The following NEK10 variants were observed in gnomAD, a reference collection of about 807,000 sequenced individuals.
NEK10 encodes NIMA related kinase 10.
NEK10 carries 122 observed loss-of-function variants against 159.8 expected under a neutral mutation model. The observed-to-expected ratio is 0.76, with a 90% confidence interval of 0.66 to 0.89. The LOEUF (loss-of-function observed/expected upper bound fraction) is 0.89, where lower values mean the gene tolerates loss of function less well. NEK10 is among the 40% of genes least tolerant of loss of function. The pLI is 0.00. For synonymous variants in NEK10, 466 were observed against 457.1 expected, an observed-to-expected ratio of 1.02 and a Z score of -0.25; for missense variants, 1,342 against 1,323.1, an observed-to-expected ratio of 1.01 and a Z score of -0.22.
chr3:27,328,786 T>C (rs545671397), intron 5 of NEK10, among the ~76,000 whole-genome samples: 9 of 152,238 alleles, frequency 5.9e-5, no homozygotes, highest in Admixed American at 5.2e-4. Flanking sequence ...GGGAGCCCTG[T>C]TAGCCTACTG....
In NEK10 at chr3:27,111,230, A is replaced by G; in HGVS notation, c.*42T>C. 6.3e-7 allele frequency: 1 copy of G among 1,580,680 alleles called. No homozygotes were observed. The highest frequency in any genetic ancestry group is 8.7e-7 in the Non-Finnish European group (1 of 1,152,260). On this transcript the variant is annotated 3_prime_UTR_variant, in exon 36 of 36. Coordinates refer to ENST00000691995, the MANE Select transcript of NEK10 (RefSeq NM_001394966.1). ...AATAGCGGCTGAAGTCCAGAACTTGAACTTCACTGAGAAAATCAAGTCCAC... is the reference window on the plus strand; with the variant it reads ...AATAGCGGCTGAAGTCCAGAACTTGGACTTCACTGAGAAAATCAAGTCCAC...
chr3:27,266,016 C>T (rs546503118), intron 22 of NEK10, among the ~76,000 whole-genome samples: 3 of 152,062 alleles, frequency 2.0e-5, no homozygotes, highest in East Asian at 3.9e-4. Flanking sequence ...ACAGTGTTAG[C>T]CAGGATGGTC....
At chr3:27,350,557 G>C (rs973548857) in intron 3 of NEK10, among the ~76,000 whole-genome samples, 7 of 152,050 alleles carry the variant, frequency 4.6e-5, no homozygotes, top group African/African-American at 1.4e-4. Flanking sequence ...TCATTAAATT[G>C]ACAGTATTTT....
intron 19 of NEK10, 73 bp from the exon 20 acceptor site, chr3:27,287,816 G>A (rs2042725805): frequency 1.2e-5 from 17 of 1,390,976 alleles, no homozygotes; most frequent in Non-Finnish European, 1.6e-5. Context: ...CTACTTAGTT[G>A]GACTTCATAT....
chr3:27,321,206 C>T (rs952582292), intron 6 of NEK10, among the ~76,000 whole-genome samples: 3 of 151,948 alleles, frequency 2.0e-5, no homozygotes, highest in African/African-American at 7.3e-5. Context: ...TTTAGAGCCT[C>T]ACAGCTAAAG....
At chr3:27,153,182 T>C (rs1389002990) in intron 30 of NEK10, among the ~76,000 whole-genome samples, 1 of 152,002 alleles carries the variant, frequency 6.6e-6, no homozygotes, top group East Asian at 1.9e-4. Flanking sequence ...TAGCCGGGCA[T>C]GGTAGCGGGC....
intron 22 of NEK10, among the ~76,000 whole-genome samples, chr3:27,272,414 T>C (rs2041437240): frequency 6.6e-6 from 1 of 152,208 alleles, no homozygotes; most frequent in Non-Finnish European, 1.5e-5. Context: ...TGTATCTGCA[T>C]CTTTCTTTTG....
chr3:27,278,965 G>T (rs1264159145), intron 22 of NEK10: 1 of 974,292 alleles, frequency 1.0e-6, no homozygotes, highest in Non-Finnish European at 1.2e-6. Context: ...AATAAATGGA[G>T]AACAAGACCT....
chr3:27,204,236 G>A (rs1575230271), intron 23 of NEK10, among the ~76,000 whole-genome samples: 1 of 143,040 alleles, frequency 7.0e-6, no homozygotes, highest in African/African-American at 2.6e-5. Context: ...CACTTGTTTG[G>A]AGGACAGCTT....
chr3:27,257,846 T>A (rs1956372873), intron 22 of NEK10, among the ~76,000 whole-genome samples: 1 of 150,036 alleles, frequency 6.7e-6, no homozygotes, highest in African/African-American at 2.5e-5. Flanking sequence ...TGGAGTGCAG[T>A]GGCGCAATCT....
rs534261301 is a variant in NEK10, at chr3:27,106,723, A to C, written c.*4549T>G. 3.3e-5 allele frequency among the ~76,000 whole-genome samples: 5 copies of C among 152,148 alleles called. No homozygotes were observed. The highest frequency in any genetic ancestry group is 7.4e-5 in the Non-Finnish European group (5 of 68,014). On this transcript the variant is annotated 3_prime_UTR_variant, in exon 36 of 36. Coordinates refer to ENST00000691995, the MANE Select transcript of NEK10 (RefSeq NM_001394966.1). ...GCATGTTTTATGGGACCAGTTTTTC[A>C]CATGTTTGCAAAAACTTCGGCTAAT...
intron 30 of NEK10, among the ~76,000 whole-genome samples, chr3:27,156,499 A>C (rs925068580): frequency 6.6e-6 from 1 of 152,154 alleles, no homozygotes; most frequent in Non-Finnish European, 1.5e-5. Context: ...AAAGATATGA[A>C]TAGACAATTC....
At chr3:27,265,244 G>A (rs776033329) in intron 22 of NEK10, among the ~76,000 whole-genome samples, 1 of 152,178 alleles carries the variant, frequency 6.6e-6, no homozygotes, top group African/African-American at 2.4e-5. Context: ...AGTACAATAT[G>A]TGCATATGAA....
chr3:27,252,535 T>C lies in NEK10; in HGVS notation c.2090+3761A>G, dbSNP rs372231522. On this transcript the variant is annotated intron_variant, in intron 23 of 35. Transcript: ENST00000691995. ...TGATCATTCATGTAGCAAATATTAC[T>C]TGTGAGTTTTAAAGTACCAGACTTA... Among the ~76,000 whole-genome samples, 7 of 152,354 alleles carry C rather than the reference T, an allele frequency of 4.6e-5. No homozygotes were observed. The East Asian group carries it at 9.6e-4, about 21-fold the overall frequency.
In NEK10 at chr3:27,311,031, AAG is replaced by A. The variant is rs1350817422; in HGVS notation, c.569-17_569-16del. The A allele has an allele frequency of 6.5e-7, 1 of 1,542,230 alleles. No homozygotes were observed. Among genetic ancestry groups the A allele is most frequent in the Non-Finnish European group, 9.0e-7 (1 of 1,115,620 alleles). On this transcript the variant is annotated splice_polypyrimidine_tract_variant and intron_variant, in intron 8 of 35. Transcript: ENST00000691995. ...TTGAAAAATATCTATAAAGGAAAGA[AAG>A]AGCGCAAAGAGGCATCCAGAGATTA...
At chr3:27,254,918 T>TAC (rs3035705) in intron 23 of NEK10, among the ~76,000 whole-genome samples, 25,998 of 141,692 alleles carry the variant, frequency 0.18, 2,281 homozygotes, top group African/African-American at 0.24. Context: ...CTCTTTCTCT[T>TAC]ACACACACAC....
At position 27,291,556 on chromosome 3, in the gene NEK10, G is replaced by A. The variant is rs1362543683; in HGVS notation, c.1404C>T (p.Phe468=). 3.3e-5 allele frequency: 53 copies of A among 1,607,542 alleles called. No homozygotes were observed. Among genetic ancestry groups the A allele is most frequent in the Non-Finnish European group, 4.4e-5 (52 of 1,174,156 alleles). The change falls in exon 17 of 36, where the codon TTC becomes TTT. Residue 468 remains phenylalanine, a synonymous_variant. Coordinates refer to ENST00000691995, the MANE Select transcript of NEK10 (RefSeq NM_001394966.1). The stretch of plus-strand genomic sequence containing the variant: ...CACGTACATAATGCCCTATGTCAAT[G>A]AAGATCTCAAACAAGTCTGTGGGGA... ...RLFPTDLFEI[F]IDIGHYVRDI...
intron 22 of NEK10, among the ~76,000 whole-genome samples, chr3:27,273,155 C>G (rs528370896): frequency 3.9e-4 from 59 of 152,272 alleles, no homozygotes; most frequent in African/African-American, 1.3e-3. Context: ...TACTGAGGAA[C>G]TGCGTGGCCA....
chr3:27,271,972 A>G (rs1348963595), intron 22 of NEK10, among the ~76,000 whole-genome samples: 1 of 152,164 alleles, frequency 6.6e-6, no homozygotes, highest in East Asian at 1.9e-4. Flanking sequence ...CAGATGGAAA[A>G]GTTGTGTGTG....
Sources: allele counts gnomAD v4.1 joint callset (sites outside exome capture counted in the v4.1 genomes callset), GRCh38; gene constraint gnomAD v4.1.1; transcripts MANE v1.5; gene names NCBI Gene and HGNC (gene_info 2026-07-23, HGNC 2026-07-21).